Variants in ATR observed in about 807,000 individuals in gnomAD.
The protein encoded by ATR is serine/threonine-protein kinase ATR.
A neutral mutation model predicts 305.3 loss-of-function variants in ATR; 142 were observed. The ratio of observed to expected loss-of-function variants is 0.47; its 90% CI spans 0.41 to 0.53. ATR has a LOEUF of 0.53. ATR is among the 20% of genes least tolerant of loss of function. ATR has a pLI of 0.00. For missense variants in ATR, 2,135 were observed against 3,133.1 expected (o/e 0.68, Z 7.60); for synonymous variants, 1,050 against 1,068.1 (o/e 0.98, Z 0.33).
chr3:142,561,141 T>C, intron 5 of ATR, 102 bp downstream of exon 5: 1 of 1,299,658 alleles, frequency 7.7e-7, no homozygotes, highest in Non-Finnish European at 1.1e-6. Context: ...AGAAAGATGT[T>C]CTTTGTGTAT....
At chr3:142,550,382 G>T in intron 13 of ATR, 80 bp from the exon 14 acceptor site, 1 of 1,436,422 alleles carries the variant, frequency 7.0e-7, no homozygotes, top group Non-Finnish European at 9.8e-7. Context: ...ACCATAGAGG[G>T]CAGTATCAAA....
intron 10 of ATR, among the ~76,000 whole-genome samples, chr3:142,554,625 TA>T (rs2034598737): frequency 6.6e-6 from 1 of 152,096 alleles, no homozygotes; most frequent in South Asian, 2.1e-4. Flanking sequence ...AAGATAAACT[TA>T]AAAACACATT....
At chr3:142,576,647 G>C (rs1422492564) in intron 1 of ATR, among the ~76,000 whole-genome samples, 2 of 152,130 alleles carry the variant, frequency 1.3e-5, no homozygotes, top group Non-Finnish European at 2.9e-5. Flanking sequence ...ATTTGTATTG[G>C]ATATTCTGAA....
chr3:142,461,958 T>A lies in ATR; in HGVS notation c.7174A>T (p.Lys2392Ter). 6.2e-7 allele frequency: 1 copy of A among 1,613,626 alleles called. No homozygotes were observed. Among genetic ancestry groups the A allele is most frequent in the Non-Finnish European group, 8.5e-7 (1 of 1,179,758 alleles). Reference protein sequence around the residue: ...NTAGLRPILTKLYKEKGVYMT... With the variant: ...NTAGLRPILT ...TTAGTACCCTTTTCTTTATATAGTT[T>A]GGTCAGAATAGGTCTCAAACCAGCA... The change falls in exon 42 of 47, where the codon AAA becomes TAA. Residue 2392 changes from lysine (K) to a stop codon, truncating the protein, a stop_gained. Coordinates refer to ENST00000350721, the MANE Select transcript of ATR (RefSeq NM_001184.4). LOFTEE classifies it high-confidence loss of function.
rs56873611 is a variant in ATR at position 142,553,433 on chromosome 3, AACACAC to A, written c.2634-41_2634-36del. 1,847 of 1,404,492 alleles carry A rather than the reference AACACAC, an allele frequency of 1.3e-3. 1 individual carries two copies. The highest frequency in any genetic ancestry group is 1.6e-3 in the Non-Finnish European group (1,593 of 1,002,158). 87.0% of individuals were successfully genotyped at this position (1,404,492 alleles called of 1,614,324 possible). On this transcript the variant is annotated intron_variant, in intron 12 of 46. Coordinates refer to ENST00000350721, the MANE Select transcript of ATR (RefSeq NM_001184.4). ...AAAACAACATACATATGAATACACAAACACACACACACACACACACACACATACACA... is the reference window on the plus strand; with the variant it reads ...AAAACAACATACATATGAATACACAAACACACACACACACACACATACACA...
intron 46 of ATR, chr3:142,451,237 G>A (rs978299392): frequency 1.7e-6 from 2 of 1,196,666 alleles, no homozygotes; most frequent in South Asian, 1.6e-5. Context: ...AGATGCAGGT[G>A]TGCAAGCTCC....
intron 20 of ATR, 55 bp from the exon 21 acceptor site, chr3:142,535,260 T>C (rs182807230): frequency 3.7e-6 from 6 of 1,602,414 alleles, no homozygotes; most frequent in Non-Finnish European, 5.1e-6. Context: ...TTAACAACCA[T>C]TTCCAAAGGC....
intron 16 of ATR, among the ~76,000 whole-genome samples, chr3:142,546,443 G>A (rs554986847): frequency 3.9e-5 from 6 of 152,238 alleles, no homozygotes; most frequent in African/African-American, 1.4e-4. Context: ...TATGCCATCT[G>A]TTTCCTCCCA....
At chr3:142,575,591 T>G (rs2035411285) in intron 1 of ATR, among the ~76,000 whole-genome samples, 1 of 152,194 alleles carries the variant, frequency 6.6e-6, no homozygotes, top group Admixed American at 6.5e-5. Flanking sequence ...CTAATGCTGC[T>G]GCTCCTCAGA....
At chr3:142,573,506 T>TA (rs1180331616) in intron 1 of ATR, among the ~76,000 whole-genome samples, 1,569 of 132,908 alleles carry the variant, frequency 0.012, 19 homozygotes, top group African/African-American at 0.037. Context: ...ATAAAGTCCT[T>TA]AAAAAAAAAA....
At chr3:142,453,783 G>C (rs1408910434) in intron 45 of ATR, among the ~76,000 whole-genome samples, 1 of 152,094 alleles carries the variant, frequency 6.6e-6, no homozygotes, top group Non-Finnish European at 1.5e-5. Flanking sequence ...CAAAAATCTA[G>C]GAATCATCCT....
chr3:142,502,849 C>T (rs1559943899), intron 30 of ATR, among the ~76,000 whole-genome samples: 1 of 152,188 alleles, frequency 6.6e-6, no homozygotes, highest in Non-Finnish European at 1.5e-5. Context: ...ACTGGAAGAA[C>T]TACTCAGCCT....
intron 19 of ATR, 83 bp from the exon 20 acceptor site, chr3:142,536,284 C>T: frequency 1.0e-6 from 1 of 968,160 alleles, no homozygotes; most frequent in Non-Finnish European, 1.6e-6. Context: ...GAAACTAAGG[C>T]CAATTTAATT....
At chr3:142,513,764 ATTTT>A in intron 25 of ATR, 126 bp from the exon 26 acceptor site, 2 of 1,058,434 alleles carry the variant, frequency 1.9e-6, no homozygotes, top group Non-Finnish European at 1.3e-6. Flanking sequence ...TTTTTAATTA[ATTTT>A]TTAATTAAAT....
chr3:142,480,890 C>A (rs1232076305), intron 36 of ATR, among the ~76,000 whole-genome samples: 1 of 152,228 alleles, frequency 6.6e-6, no homozygotes, highest in Non-Finnish European at 1.5e-5. Flanking sequence ...CAGAGCCATG[C>A]ACGGGATATA....
chr3:142,503,932 C>T (rs1307220667), intron 29 of ATR, among the ~76,000 whole-genome samples: 4 of 152,116 alleles, frequency 2.6e-5, no homozygotes, highest in Non-Finnish European at 5.9e-5. Context: ...TGTCATATTT[C>T]TCACATAAAC....
At chr3:142,568,242 G>A in intron 1 of ATR, 88 bp from the exon 2 acceptor site, 3 of 937,906 alleles carry the variant, frequency 3.2e-6, no homozygotes, top group Non-Finnish European at 5.1e-6. Context: ...CTCATCAAAT[G>A]TGTTCAGTGT....
chr3:142,467,233 C>T (rs187283185), intron 39 of ATR, among the ~76,000 whole-genome samples: 71 of 152,222 alleles, frequency 4.7e-4, no homozygotes, highest in African/African-American at 1.6e-3. Flanking sequence ...TAACCACCCC[C>T]ACCTCCCACT....
intron 13 of ATR, 128 bp downstream of exon 13, chr3:142,553,099 G>T: frequency 8.0e-7 from 1 of 1,250,416 alleles, no homozygotes; most frequent in Non-Finnish European, 1.1e-6. Flanking sequence ...ATATACCCCT[G>T]AACTTAAAAT....
Sources: allele counts gnomAD v4.1 joint callset (sites outside exome capture counted in the v4.1 genomes callset), GRCh38; gene constraint gnomAD v4.1.1; transcripts MANE v1.5; gene names NCBI Gene and HGNC (gene_info 2026-07-23, HGNC 2026-07-21).